Variants in HERC1 observed in about 807,000 individuals in gnomAD.
HERC1 encodes the protein HECT and RLD domain containing E3 ubiquitin protein ligase family member 1, also known as probable E3 ubiquitin-protein ligase HERC1.
In HERC1, 160 loss-of-function variants were observed where a neutral mutation model predicts 554.3. The observed-to-expected ratio is 0.29, with a 90% CI of 0.25 to 0.33. HERC1 has a LOEUF of 0.33. Among genes scored for constraint, HERC1 ranks in the 10% least tolerant of loss-of-function variants. The probability of loss-of-function intolerance (pLI) is 1.00; values close to 1 mark genes in which losing one functional copy is unlikely to be tolerated. For missense variants in HERC1, 4,919 were observed against 5,918.5 expected, an observed-to-expected ratio of 0.83 and a Z score of 5.54; for synonymous variants, 2,175 against 2,131.7, an observed-to-expected ratio of 1.02 and a Z score of -0.56.
rs2069056003 is a variant in HERC1 at position 63,641,395 on chromosome 15, A to G, written c.11607+75T>C. The stretch of plus-strand genomic sequence containing the variant: ...TCCTCAGACCTCATGCTTTTAAGGG[A>G]TAAGTTCAAGGCTATAATCACATTC... On this transcript the variant is annotated intron_variant, in intron 60 of 77. Coordinates refer to ENST00000443617, the MANE Select transcript of HERC1 (RefSeq NM_003922.4). 5.5e-6 allele frequency: 7 copies of G among 1,264,854 alleles called. No individual in the cohort carries two copies. In the Middle Eastern group the frequency reaches 1.1e-3, roughly 193 times the overall value. 78.4% of individuals were successfully genotyped at this position (1,264,854 alleles called of 1,614,324 possible).
Position 63,747,005 on chromosome 15 carries a change from A to G in HERC1, c.2433T>C (p.Ala811=), listed in dbSNP as rs756533314. 6.3e-7 allele frequency: 1 copy of G among 1,581,414 alleles called. No individual in the cohort carries two copies. The highest frequency in any genetic ancestry group is 8.6e-7 in the Non-Finnish European group (1 of 1,163,828). ...CTGCCTGCCTCCCGAGAATGCTGGT[A>G]GCTACCCCTCCCGCAAGTGCAAGAG... ...HLALALAGGV[A]TSILGRQAGP... is the part of the protein sequence containing the mutation. Residue 811 remains alanine, a synonymous_variant, in exon 12 of 78, where the codon GCT becomes GCC. Transcript: ENST00000443617.
chr15:63,829,499 T>TATATATATATAC (rs1336272062), intron 1 of HERC1, among the ~76,000 whole-genome samples: 11 of 53,368 alleles, frequency 2.1e-4, no homozygotes, highest in East Asian at 4.4e-4. Context: ...TATATATATA[T>TATATATATATAC]ACACACACAC....
At chr15:63,825,935 G>A (rs1443062304) in intron 1 of HERC1, among the ~76,000 whole-genome samples, 17 of 151,642 alleles carry the variant, frequency 1.1e-4, no homozygotes, top group Admixed American at 1.1e-3. Flanking sequence ...GTTAATTTTT[G>A]TTTTTTTAGT....
chr15:63,829,225 C>T (rs1315843114), intron 1 of HERC1, among the ~76,000 whole-genome samples: 2 of 151,764 alleles, frequency 1.3e-5, no homozygotes, highest in African/African-American at 4.8e-5. Flanking sequence ...TCAAGGCCAA[C>T]CTGGGCAAAA....
chr15:63,623,646 TG>T, intron 73 of HERC1, 78 bp downstream of exon 73: 1 of 1,337,824 alleles, frequency 7.5e-7, no homozygotes, highest in Non-Finnish European at 1.1e-6. Context: ...AAAACATGCC[TG>T]GCAGAGTGAT....
intron 43 of HERC1, 144 bp downstream of exon 43, chr15:63,664,326 G>T: frequency 1.5e-6 from 1 of 671,512 alleles, no homozygotes; most frequent in Non-Finnish European, 2.4e-6. Context: ...TAAATGCATA[G>T]AAAATGATAT....
rs1158195920 is a variant in HERC1, at chr15:63,775,933, G to A, written c.-26-284C>T. Among the ~76,000 whole-genome samples the A allele has an allele frequency of 6.6e-6, 1 of 151,718 alleles. No homozygotes were observed. The highest frequency in any genetic ancestry group is 2.4e-5 in the African/African-American group (1 of 41,288). The stretch of plus-strand genomic sequence containing the variant: ...CATACCTCTAGTCCCAGCTGCTTGG[G>A]AGGCTGAGGCAGGAGAATCGCTTGA... On this transcript the variant is annotated intron_variant, in intron 1 of 77. Coordinates refer to ENST00000443617, the MANE Select transcript of HERC1 (RefSeq NM_003922.4). This position sits in a 1 kb window ranked among gnomAD's most constrained non-coding sequence, Gnocchi z 4.0.
intron 73 of HERC1, 59 bp from the exon 74 acceptor site, chr15:63,622,950 A>G: frequency 9.1e-6 from 9 of 993,782 alleles, no homozygotes; most frequent in Non-Finnish European, 1.4e-5. Context: ...GAAGAGAACA[A>G]ACCAATTACA....
intron 1 of HERC1, among the ~76,000 whole-genome samples, chr15:63,828,110 T>G (rs2078004461): frequency 6.6e-6 from 1 of 152,166 alleles, no homozygotes; most frequent in Non-Finnish European, 1.5e-5. Flanking sequence ...AAGGGTGAGT[T>G]GTATGGTATG....
intron 2 of HERC1, among the ~76,000 whole-genome samples, chr15:63,764,487 T>C (rs982166527): frequency 1.3e-5 from 2 of 152,190 alleles, no homozygotes; most frequent in African/African-American, 4.8e-5. Context: ...GGAAGTGGAA[T>C]TCTGCCAGTT....
chr15:63,619,792 A>C (rs892052816), intron 74 of HERC1, among the ~76,000 whole-genome samples: 8 of 152,012 alleles, frequency 5.3e-5, no homozygotes, highest in Non-Finnish European at 1.2e-4. Context: ...AGAGGTGTTT[A>C]TAGTATTCTC....
intron 25 of HERC1, among the ~76,000 whole-genome samples, chr15:63,701,401 G>A (rs565172998): frequency 7.9e-5 from 12 of 152,240 alleles, no homozygotes; most frequent in Admixed American, 4.6e-4. Flanking sequence ...AATGGCTGAC[G>A]AAGCCCAAAA....
At chr15:63,635,834 C>T in intron 65 of HERC1, 127 bp downstream of exon 65, 1 of 1,033,242 alleles carries the variant, frequency 9.7e-7, no homozygotes, top group Non-Finnish European at 1.4e-6. Flanking sequence ...CATCCAAAAC[C>T]AATGGATCTC....
intron 2 of HERC1, among the ~76,000 whole-genome samples, chr15:63,774,147 T>C (rs1201606801): frequency 6.6e-6 from 1 of 152,190 alleles, no homozygotes; most frequent in Non-Finnish European, 1.5e-5. Context: ...GTCCTAAGTC[T>C]ACCAGTCTCT....
chr15:63,785,365 C>T (rs1297581392), intron 1 of HERC1, among the ~76,000 whole-genome samples: 1 of 152,056 alleles, frequency 6.6e-6, no homozygotes, highest in Admixed American at 6.6e-5. Context: ...AAGCTGTGAG[C>T]TATAAGTGCA....
At chr15:63,676,011 C>G (rs1466409353) in intron 37 of HERC1, among the ~76,000 whole-genome samples, 2 of 150,566 alleles carry the variant, frequency 1.3e-5, no homozygotes, top group Non-Finnish European at 2.9e-5. Context: ...TCAAGAGATT[C>G]TCCTGCCTTA....
At chr15:63,731,917 C>T (rs940548793) in intron 14 of HERC1, among the ~76,000 whole-genome samples, 3 of 152,056 alleles carry the variant, frequency 2.0e-5, no homozygotes, top group African/African-American at 4.8e-5. Flanking sequence ...ACAGGAAATA[C>T]GTGTACAATG....
At chr15:63,746,784 T>C in intron 12 of HERC1, 134 bp downstream of exon 12, 1 of 775,452 alleles carries the variant, frequency 1.3e-6, no homozygotes, top group African/African-American at 1.8e-5. Flanking sequence ...AAAAATACTC[T>C]CACCAAGAAA....
intron 1 of HERC1, among the ~76,000 whole-genome samples, chr15:63,813,205 C>A (rs749555351): frequency 2.0e-5 from 3 of 152,050 alleles, no homozygotes; most frequent in Non-Finnish European, 4.4e-5. Context: ...GCTAAAGAAT[C>A]TACAGGTGGT....
Sources: allele counts gnomAD v4.1 joint callset (sites outside exome capture counted in the v4.1 genomes callset), GRCh38; gene constraint gnomAD v4.1.1; non-coding constraint Gnocchi (gnomAD v3.1); transcripts MANE v1.5; gene names NCBI Gene and HGNC (gene_info 2026-07-23, HGNC 2026-07-21).